Variants in PTPN9 observed in about 807,000 individuals in gnomAD.
PTPN9 encodes protein tyrosine phosphatase non-receptor type 9.
In PTPN9, 26 loss-of-function variants were observed where a neutral mutation model predicts 69.8. That is an observed-to-expected ratio of 0.37 (90% CI 0.27 to 0.52). The LOEUF is 0.52. Among genes scored for constraint, PTPN9 ranks in the 20% least tolerant of loss-of-function variants. PTPN9 has a pLI of 0.91. For missense variants in PTPN9, 549 were observed against 740.3 expected, an observed-to-expected ratio of 0.74 and a Z score of 3.00; for synonymous variants, 274 against 272.5, an observed-to-expected ratio of 1.01 and a Z score of -0.05.
At position 75,467,180 on chromosome 15, in the gene PTPN9, T is replaced by G. The variant is rs2074540107; in HGVS notation, c.*1589A>C. 1 of 152,680 alleles carries G rather than the reference T, an allele frequency of 6.5e-6. No homozygotes were observed. The highest frequency in any genetic ancestry group is 2.1e-4 in the South Asian group (1 of 4,834). 9.5% of individuals were successfully genotyped at this position (152,680 alleles called of 1,614,324 possible). On this transcript the variant is annotated 3_prime_UTR_variant, in exon 13 of 13. Transcript: ENST00000618819. ...ACAAAACTGTATCACTGTAAGATATTGAATATGAACATTACAATTATTTTC... is the reference window on the plus strand; with the variant it reads ...ACAAAACTGTATCACTGTAAGATATGGAATATGAACATTACAATTATTTTC...
At chr15:75,482,667 G>C (rs1380073047) in intron 8 of PTPN9, among the ~76,000 whole-genome samples, 1 of 150,504 alleles carries the variant, frequency 6.6e-6, no homozygotes, top group Admixed American at 6.6e-5. Context: ...CTCTGCCTAG[G>C]AAAACCAGAG....
At chr15:75,562,861 G>A (rs1366566049) in intron 1 of PTPN9, among the ~76,000 whole-genome samples, 1 of 148,794 alleles carries the variant, frequency 6.7e-6, no homozygotes, top group Non-Finnish European at 1.5e-5. Context: ...TAGGCTATGT[G>A]AAGAATAAAC....
In PTPN9 at chr15:75,473,699, TGACAATCACCAA is replaced by T; in HGVS notation, c.1186_1197del (p.Leu396_Val399del). 1 of 1,570,056 alleles carries T rather than the reference TGACAATCACCAA, an allele frequency of 6.4e-7. No individual in the cohort carries two copies. Among genetic ancestry groups the T allele is most frequent in the Non-Finnish European group, 8.8e-7 (1 of 1,139,942 alleles). ...AAGGGATTAACTCACCGGGTGGTCATGACAATCACCAAGACTTTTTGCTCCCATACCATGAGC... is the reference window on the plus strand; with the variant it reads ...AAGGGATTAACTCACCGGGTGGTCATGACTTTTTGCTCCCATACCATGAGC... On this transcript the variant is annotated inframe_deletion, in exon 10 of 13. Coordinates refer to ENST00000618819, the MANE Select transcript of PTPN9 (RefSeq NM_002833.4).
chr15:75,504,257 T>C (rs1179583064), intron 7 of PTPN9, among the ~76,000 whole-genome samples: 2 of 78,104 alleles, frequency 2.6e-5, no homozygotes, highest in South Asian at 4.5e-4. Context: ...GGGAGGGAGG[T>C]GAGGTCAGCC....
chr15:75,469,054 G>A (rs1420766999), intron 12 of PTPN9, 71 bp from the exon 13 acceptor site: 9 of 1,374,912 alleles, frequency 6.5e-6, no homozygotes, highest in Non-Finnish European at 9.0e-6. Flanking sequence ...AATAACCCAG[G>A]CAGAACTGAA....
intron 8 of PTPN9, chr15:75,487,474 T>C (rs2074685727): frequency 6.6e-6 from 1 of 152,168 alleles, no homozygotes; most frequent in Non-Finnish European, 1.5e-5. Context: ...ACAGGATGAT[T>C]AGAAGAATCT....
At chr15:75,537,850 G>C (rs1461562095) in intron 1 of PTPN9, among the ~76,000 whole-genome samples, 1 of 151,032 alleles carries the variant, frequency 6.6e-6, no homozygotes, top group African/African-American at 2.4e-5. Flanking sequence ...CCTGAGGTCA[G>C]GCGTTCAAGA....
At chr15:75,483,985 CA>C (rs2074659350) in intron 8 of PTPN9, among the ~76,000 whole-genome samples, 1 of 152,232 alleles carries the variant, frequency 6.6e-6, no homozygotes, top group Admixed American at 6.5e-5. Flanking sequence ...CCAATAAATA[CA>C]AAGGGCTGTA....
At chr15:75,561,210 G>A (rs2075102906) in intron 1 of PTPN9, among the ~76,000 whole-genome samples, 1 of 151,900 alleles carries the variant, frequency 6.6e-6, no homozygotes, top group Non-Finnish European at 1.5e-5. Flanking sequence ...AGCTACTTGG[G>A]AGGCTGAGGC....
chr15:75,562,099 C>T (rs924013992), intron 1 of PTPN9, among the ~76,000 whole-genome samples: 13 of 152,076 alleles, frequency 8.5e-5, no homozygotes, highest in African/African-American at 2.9e-4. Context: ...ATGATCCTCT[C>T]GCCTTGGCTT....
At chr15:75,536,598 G>T (rs1220066560) in intron 1 of PTPN9, among the ~76,000 whole-genome samples, 1 of 152,162 alleles carries the variant, frequency 6.6e-6, no homozygotes, top group African/African-American at 2.4e-5. Flanking sequence ...GCTTATTGGG[G>T]ATATCATATA....
chr15:75,554,409 G>T (rs112870807), intron 1 of PTPN9, among the ~76,000 whole-genome samples: 26,304 of 151,750 alleles, frequency 0.17, 3,061 homozygotes, highest in Non-Finnish European at 0.26. Context: ...GGTCAGGCTG[G>T]TCTCAAACTC....
At chr15:75,551,138 T>C (rs149713067) in intron 1 of PTPN9, among the ~76,000 whole-genome samples, 509 of 152,340 alleles carry the variant, frequency 3.3e-3, no homozygotes, top group Non-Finnish European at 5.1e-3. Context: ...AATCTCACTG[T>C]TGCCCAGGCT....
At chr15:75,478,179 C>T (rs1480520126) in intron 9 of PTPN9, among the ~76,000 whole-genome samples, 3 of 149,436 alleles carry the variant, frequency 2.0e-5, no homozygotes, top group African/African-American at 7.4e-5. Context: ...AATCTCTGCT[C>T]GCTGCAACCT....
chr15:75,537,194 A>G (rs2074985916), intron 1 of PTPN9, among the ~76,000 whole-genome samples: 1 of 151,426 alleles, frequency 6.6e-6, no homozygotes, highest in Non-Finnish European at 1.5e-5. Flanking sequence ...TCTACTAAAA[A>G]TACAAAACTT....
chr15:75,471,609 GA>G (rs35968452), intron 10 of PTPN9, among the ~76,000 whole-genome samples: 382 of 102,782 alleles, frequency 3.7e-3, no homozygotes, highest in African/African-American at 9.0e-3. Context: ...TCTCAAAAAA[GA>G]AAAAAAAAAA....
Position 75,573,308 on chromosome 15 carries a change from CAGG to C in PTPN9, c.63+5403_63+5405del, listed in dbSNP as rs1372908961. 2.6e-5 allele frequency among the ~76,000 whole-genome samples: 4 copies of C among 152,148 alleles called. No individual in the cohort carries two copies. The East Asian group carries it at 5.8e-4, about 22-fold the overall frequency. On this transcript the variant is annotated intron_variant, in intron 1 of 12. Transcript: ENST00000618819. ...GCCCACCACAGAGCCTGACTGAAAG[CAGG>C]AGTTTAGAAAAGATACTGTTACGAT...
chr15:75,550,204 C>T (rs754797124), intron 1 of PTPN9, among the ~76,000 whole-genome samples: 194 of 147,272 alleles, frequency 1.3e-3, no homozygotes, highest in Non-Finnish European at 2.3e-3. Flanking sequence ...CTTGCTTCTT[C>T]ACCCAGGCTG....
At chr15:75,540,195 A>C (rs1334795900) in intron 1 of PTPN9, among the ~76,000 whole-genome samples, 1 of 152,230 alleles carries the variant, frequency 6.6e-6, no homozygotes, top group Admixed American at 6.5e-5. Flanking sequence ...GAGATAGAGC[A>C]AATAAATAGG....
Sources: allele counts gnomAD v4.1 joint callset (sites outside exome capture counted in the v4.1 genomes callset), GRCh38; gene constraint gnomAD v4.1.1; transcripts MANE v1.5; gene names NCBI Gene and HGNC (gene_info 2026-07-23, HGNC 2026-07-21).